The following PPP2R2B variants were observed in gnomAD, a reference collection of about 807,000 sequenced individuals.
The protein encoded by PPP2R2B is serine/threonine-protein phosphatase 2A 55 kDa regulatory subunit B beta isoform.
PPP2R2B carries 5 observed loss-of-function variants against 46.0 expected under a neutral mutation model. The observed-to-expected ratio is 0.11, with a 90% confidence interval of 0.06 to 0.23. The LOEUF (loss-of-function observed/expected upper bound fraction) is 0.23, where lower values mean the gene tolerates loss of function less well. Ranked by LOEUF, PPP2R2B falls within the 10% of genes least tolerant of loss-of-function variation. The pLI, the probability that PPP2R2B is intolerant of heterozygous loss-of-function variation, is 1.00. For missense variants in PPP2R2B, 367 were observed against 575.0 expected (o/e 0.64, Z 3.70); for synonymous variants, 215 against 206.7 (o/e 1.04, Z -0.34).
chr5:146,760,094 C>T (rs1187300832), intron 2 of PPP2R2B, among the ~76,000 whole-genome samples: 2 of 152,104 alleles, frequency 1.3e-5, no homozygotes. Flanking sequence ...TAATTGCATA[C>T]AAAGCATTTA....
intron 2 of PPP2R2B, among the ~76,000 whole-genome samples, chr5:146,761,024 G>A (rs897113816): frequency 2.6e-5 from 4 of 152,182 alleles, no homozygotes; most frequent in African/African-American, 9.7e-5. Context: ...ACAGGTGCTG[G>A]AGAGGTTGTG....
intron 2 of PPP2R2B, among the ~76,000 whole-genome samples, chr5:146,736,554 A>G (rs1435189975): frequency 2.6e-5 from 4 of 152,232 alleles, no homozygotes; most frequent in African/African-American, 4.8e-5. Flanking sequence ...CTGCTTTAAC[A>G]TGCCTCCAAA....
At chr5:146,938,022 A>T (rs1764210887) in intron 1 of PPP2R2B, among the ~76,000 whole-genome samples, 1 of 152,166 alleles carries the variant, frequency 6.6e-6, no homozygotes, top group Non-Finnish European at 1.5e-5. Context: ...GTAAGCAGTT[A>T]GCAAGGGCAA....
At chr5:146,682,996 C>A (rs939569779) in intron 5 of PPP2R2B, among the ~76,000 whole-genome samples, 1 of 152,112 alleles carries the variant, frequency 6.6e-6, no homozygotes, top group Admixed American at 6.6e-5. Flanking sequence ...GATCATTATG[C>A]CAAAGGGTCT....
intron 2 of PPP2R2B, among the ~76,000 whole-genome samples, chr5:146,744,317 T>C (rs1231685360): frequency 6.6e-6 from 1 of 152,178 alleles, no homozygotes; most frequent in African/African-American, 2.4e-5. Context: ...GATACAGATA[T>C]GTCTCCGCAG....
At chr5:147,031,193 C>T (rs992281489) in intron 1 of PPP2R2B, among the ~76,000 whole-genome samples, 1 of 151,766 alleles carries the variant, frequency 6.6e-6, no homozygotes, top group Non-Finnish European at 1.5e-5. Flanking sequence ...GCTGAGATCA[C>T]GCCATGGCAC....
chr5:147,033,470 A>T (rs1755891781), intron 1 of PPP2R2B, among the ~76,000 whole-genome samples: 1 of 152,200 alleles, frequency 6.6e-6, no homozygotes, highest in Non-Finnish European at 1.5e-5. Context: ...AGTCTAGAAC[A>T]TAGTAACAGA....
chr5:146,924,848 GTC>G (rs1763727416), intron 1 of PPP2R2B, among the ~76,000 whole-genome samples: 1 of 152,090 alleles, frequency 6.6e-6, no homozygotes, highest in Non-Finnish European at 1.5e-5. Context: ...CTTCATCCAT[GTC>G]CCTGCAAAGG....
intron 4 of PPP2R2B, among the ~76,000 whole-genome samples, chr5:146,696,383 C>A (rs996097439): frequency 1.3e-5 from 2 of 152,132 alleles, no homozygotes; most frequent in Non-Finnish European, 2.9e-5. Flanking sequence ...GGATTACAGG[C>A]GTGAGCCACC....
chr5:146,810,898 A>G (rs1358492660), intron 2 of PPP2R2B, among the ~76,000 whole-genome samples: 1 of 90,136 alleles, frequency 1.1e-5, no homozygotes, highest in Non-Finnish European at 2.1e-5. Context: ...AACAGGCCCC[A>G]GTGTGTGATG....
At chr5:147,053,571 C>CACACACACAA (rs1491083418) in intron 1 of PPP2R2B, among the ~76,000 whole-genome samples, 1 of 149,030 alleles carries the variant, frequency 6.7e-6, no homozygotes, top group Non-Finnish European at 1.5e-5. Flanking sequence ...CACACACACA[C>CACACACACAA]AACCTCAGAT....
At chr5:147,031,729 A>G (rs943904390) in intron 1 of PPP2R2B, among the ~76,000 whole-genome samples, 3 of 152,204 alleles carry the variant, frequency 2.0e-5, no homozygotes, top group Non-Finnish European at 2.9e-5. Flanking sequence ...ATAAAGAACC[A>G]GAAATAAACT....
At chr5:147,008,856 GAA>G (rs1435322819) in intron 1 of PPP2R2B, among the ~76,000 whole-genome samples, 2 of 152,194 alleles carry the variant, frequency 1.3e-5, no homozygotes, top group Non-Finnish European at 2.9e-5. Flanking sequence ...CAAAATAACA[GAA>G]ACTTAGCTTT....
At chr5:147,027,981 TTGTGGCTTTTGTC>T (rs1755609321) in intron 1 of PPP2R2B, among the ~76,000 whole-genome samples, 1 of 152,178 alleles carries the variant, frequency 6.6e-6, no homozygotes, top group African/African-American at 2.4e-5. Flanking sequence ...GTCACGGACT[TTGTGGCTTTTGTC>T]TGTACTTCAG....
At chr5:146,852,026 G>C (rs1371098642) in intron 2 of PPP2R2B, among the ~76,000 whole-genome samples, 1 of 152,062 alleles carries the variant, frequency 6.6e-6, no homozygotes, top group East Asian at 1.9e-4. Context: ...GTGATGCTTT[G>C]AGAAAATTAG....
rs938096404 is a variant in PPP2R2B, at chr5:146,588,186, G to A, written c.*1761C>T. ...TTGCAGGAAAAATGAGAAATACTGAGAAAGTCTCGTCTTTGTTCCCATGCT... is the reference window on the plus strand; with the variant it reads ...TTGCAGGAAAAATGAGAAATACTGAAAAAGTCTCGTCTTTGTTCCCATGCT... On this transcript the variant is annotated 3_prime_UTR_variant, in exon 10 of 10. Transcript: ENST00000394411. 2.0e-5 allele frequency: 3 copies of A among 152,214 alleles called. No homozygotes were observed. The highest frequency in any genetic ancestry group is 4.4e-5 in the Non-Finnish European group (3 of 68,040). 9.4% of individuals were successfully genotyped at this position (152,214 alleles called of 1,614,324 possible).
Position 146,956,858 on chromosome 5 carries a change from G to A in PPP2R2B, c.79+98807C>T, listed in dbSNP as rs553641056. 1.2e-3 allele frequency among the ~76,000 whole-genome samples: 179 copies of A among 152,216 alleles called. 1 individual carries two copies. The highest frequency in any genetic ancestry group is 4.2e-3 in the African/African-American group (175 of 41,538). On this transcript the variant is annotated intron_variant, in intron 1 of 8. Coordinates refer to the PPP2R2B transcript ENST00000336640. ...ACGTGTCCTTACATCTTTACATGGT[G>A]GAAAGAGCAAGGGAACTCTCTGGAG... is the stretch of plus-strand genomic sequence containing the variant.
At chr5:146,866,030 C>G (rs1298055830) in intron 2 of PPP2R2B, among the ~76,000 whole-genome samples, 2 of 152,182 alleles carry the variant, frequency 1.3e-5, no homozygotes, top group East Asian at 3.9e-4. Flanking sequence ...ACAGGCTACT[C>G]CTTGATTTTG....
At chr5:146,616,280 T>C (rs1471860318) in intron 7 of PPP2R2B, among the ~76,000 whole-genome samples, 1 of 152,164 alleles carries the variant, frequency 6.6e-6, no homozygotes, top group Non-Finnish European at 1.5e-5. Flanking sequence ...AGCATGAAAC[T>C]ACTACAAGAA....
Sources: allele counts gnomAD v4.1 joint callset (sites outside exome capture counted in the v4.1 genomes callset), GRCh38; gene constraint gnomAD v4.1.1; transcripts MANE v1.5; gene names NCBI Gene and HGNC (gene_info 2026-07-23, HGNC 2026-07-21).